RAB10: variants seen among roughly 807,000 people sequenced by gnomAD.
RAB10 encodes the protein ras-related protein Rab-10.
RAB10 carries 5 observed loss-of-function variants against 25.7 expected under a neutral mutation model. The observed-to-expected ratio is 0.19, with a 90% CI of 0.10 to 0.41. The LOEUF is 0.41. Among genes scored for constraint, RAB10 ranks in the 10% least tolerant of loss-of-function variants. RAB10 has a pLI of 1.00. For missense variants in RAB10, 103 were observed against 245.8 expected (o/e 0.42, Z 3.89); for synonymous variants, 89 against 86.4 (o/e 1.03, Z -0.16).
intron 3 of RAB10, among the ~76,000 whole-genome samples, chr2:26,111,270 C>A (rs1482597383): frequency 1.3e-5 from 2 of 152,104 alleles, no homozygotes; most frequent in Non-Finnish European, 2.9e-5. Context: ...TACAATAAAT[C>A]TTTGGGAGAA....
intron 1 of RAB10, 34 bp downstream of exon 1, chr2:26,034,769 G>A (rs1665726926): frequency 6.2e-7 from 1 of 1,612,678 alleles, no homozygotes; most frequent in Admixed American, 1.7e-5. Context: ...TACGGTCTCG[G>A]TAGCTGCATA....
intron 3 of RAB10, among the ~76,000 whole-genome samples, chr2:26,123,597 A>G (rs1667848368): frequency 6.6e-6 from 1 of 152,256 alleles, no homozygotes; most frequent in Admixed American, 6.5e-5. Context: ...AACCAGAGGA[A>G]TCAACAGAAG....
intron 3 of RAB10, among the ~76,000 whole-genome samples, chr2:26,111,410 G>A (rs1667569247): frequency 6.6e-6 from 1 of 152,102 alleles, no homozygotes; most frequent in Admixed American, 6.6e-5. Flanking sequence ...TTCGAGACCA[G>A]CCTGACCAAC....
In RAB10 at chr2:26,075,063, T is replaced by C. The variant is rs565645513; in HGVS notation, c.128-23599T>C. Among the ~76,000 whole-genome samples the C allele has an allele frequency of 4.1e-4, 63 of 152,316 alleles. 2 individuals carry two copies. The South Asian group carries it at 0.012, about 30-fold the overall frequency. On this transcript the variant is annotated intron_variant, in intron 1 of 5. Coordinates refer to ENST00000264710, the MANE Select transcript of RAB10 (RefSeq NM_016131.5). ...GAAAATAAGATTAATTGGTAGCTCT[T>C]GGAGAGACTGGACTGGTTCTAAATT...
At chr2:26,109,990 C>G in intron 3 of RAB10, 84 bp downstream of exon 3, 1 of 1,337,882 alleles carries the variant, frequency 7.5e-7, no homozygotes, top group Non-Finnish European at 1.0e-6. Context: ...AACTGATCTT[C>G]AGGATATAAT....
At position 26,111,379 on chromosome 2, in the gene RAB10, C is replaced by T. The variant is rs191336853; in HGVS notation, c.327+1473C>T. On this transcript the variant is annotated intron_variant, in intron 3 of 5. Transcript: ENST00000264710. ...CAGCACTCTGGGAGGCCGAGGTGGG[C>T]GGATCACCTGAGGTCAGGAGTTCGA... Among the ~76,000 whole-genome samples the T allele has an allele frequency of 2.1e-3, 321 of 152,120 alleles. 1 individual carries two copies. The highest frequency in any genetic ancestry group is 7.6e-3 in the African/African-American group (314 of 41,498).
At chr2:26,062,038 G>A (rs889314536) in intron 1 of RAB10, among the ~76,000 whole-genome samples, 4 of 152,082 alleles carry the variant, frequency 2.6e-5, no homozygotes, top group African/African-American at 9.7e-5. Flanking sequence ...TGGAGTTGGG[G>A]TTTCTGTATG....
At chr2:26,069,032 C>G (rs1402391945) in intron 1 of RAB10, among the ~76,000 whole-genome samples, 1 of 152,166 alleles carries the variant, frequency 6.6e-6, no homozygotes, top group Non-Finnish European at 1.5e-5. Context: ...TCTGTAATCT[C>G]TCACATATAT....
chr2:26,088,019 G>T (rs554211676), intron 1 of RAB10, among the ~76,000 whole-genome samples: 1 of 152,154 alleles, frequency 6.6e-6, no homozygotes, highest in East Asian at 1.9e-4. Flanking sequence ...ATGCCTAAGC[G>T]GCATTCAAAC....
intron 3 of RAB10, among the ~76,000 whole-genome samples, chr2:26,110,338 C>CAA (rs11403502): frequency 0.014 from 1,669 of 123,514 alleles, 32 homozygotes; most frequent in South Asian, 0.049. Context: ...ACTCCGTCTC[C>CAA]AAAAAAAAAA....
At chr2:26,064,111 A>G (rs1666464583) in intron 1 of RAB10, among the ~76,000 whole-genome samples, 2 of 151,956 alleles carry the variant, frequency 1.3e-5, no homozygotes, top group Non-Finnish European at 2.9e-5. Context: ...CTTTTGTTCT[A>G]TTTTTGGAGA....
chr2:26,091,603 A>T (rs1232481735), intron 1 of RAB10, among the ~76,000 whole-genome samples: 1 of 152,112 alleles, frequency 6.6e-6, no homozygotes, highest in Non-Finnish European at 1.5e-5. Flanking sequence ...TCTTTGTAAG[A>T]GATGGGATAT....
At chr2:26,060,072 C>T (rs1404988367) in intron 1 of RAB10, among the ~76,000 whole-genome samples, 1 of 152,038 alleles carries the variant, frequency 6.6e-6, no homozygotes, top group Non-Finnish European at 1.5e-5. Context: ...CTTATAATGC[C>T]AGTCTTTTAA....
intron 1 of RAB10, among the ~76,000 whole-genome samples, chr2:26,073,129 T>G (rs563625023): frequency 6.6e-6 from 1 of 152,208 alleles, no homozygotes; most frequent in Admixed American, 6.5e-5. Context: ...TATTGGTAGT[T>G]AGTGTCCCAT....
intron 5 of RAB10, among the ~76,000 whole-genome samples, chr2:26,132,782 A>G (rs1023953597): frequency 7.6e-6 from 1 of 130,976 alleles, no homozygotes; most frequent in African/African-American, 2.8e-5. Flanking sequence ...TTTTTTTTAA[A>G]TCTGTTTCAA....
At chr2:26,086,337 A>G (rs1003320272) in intron 1 of RAB10, among the ~76,000 whole-genome samples, 9 of 152,336 alleles carry the variant, frequency 5.9e-5, no homozygotes, top group African/African-American at 1.4e-4. Flanking sequence ...CAAGTGATCA[A>G]CAAACACATG....
At chr2:26,033,601 G>C (rs544489322), upstream of RAB10, among the ~76,000 whole-genome samples, 5 of 152,340 alleles carry the variant, frequency 3.3e-5, no homozygotes, top group African/African-American at 1.2e-4. Flanking sequence ...TTTTTCTCGC[G>C]TTTACGAGCT....
chr2:26,039,047 T>A (rs1665828945), intron 1 of RAB10, among the ~76,000 whole-genome samples: 1 of 141,956 alleles, frequency 7.0e-6, no homozygotes. Context: ...AGATATAGAG[T>A]CTTGTTCTGT....
intron 1 of RAB10, among the ~76,000 whole-genome samples, chr2:26,062,594 C>T (rs1666424873): frequency 6.6e-6 from 1 of 152,054 alleles, no homozygotes; most frequent in Admixed American, 6.6e-5. Flanking sequence ...ACGAGAATTG[C>T]TTGAACCACG....
Sources: allele counts gnomAD v4.1 joint callset (sites outside exome capture counted in the v4.1 genomes callset), GRCh38; gene constraint gnomAD v4.1.1; transcripts MANE v1.5; gene names NCBI Gene and HGNC (gene_info 2026-07-23, HGNC 2026-07-21).